The following DGKH variants were observed in gnomAD, a reference collection of about 807,000 sequenced individuals.
The protein encoded by DGKH is diacylglycerol kinase eta.
A neutral mutation model predicts 159.3 loss-of-function variants in DGKH; 90 were observed. That is an observed-to-expected ratio of 0.57 (90% CI 0.48 to 0.67). The LOEUF (loss-of-function observed/expected upper bound fraction) is 0.67. Ranked by LOEUF, DGKH falls within the 30% of genes least tolerant of loss-of-function variation. The pLI is 0.00. For missense variants in DGKH, 1,181 were observed against 1,506.1 expected, an observed-to-expected ratio of 0.78 and a Z score of 3.57; for synonymous variants, 536 against 553.8, an observed-to-expected ratio of 0.97 and a Z score of 0.45.
At position 42,127,909 on chromosome 13, in the gene DGKH, T is replaced by A. The variant is rs573020737; in HGVS notation, c.303+336T>A. 1.6e-4 allele frequency among the ~76,000 whole-genome samples: 25 copies of A among 152,296 alleles called. No individual in the cohort carries two copies. In the South Asian group the frequency reaches 5.2e-3, roughly 32 times the overall value. On this transcript the variant is annotated intron_variant, in intron 2 of 29. Transcript: ENST00000337343. ...GGGTTTCCACCTTTTACCTTGTAAA[T>A]CTTTCCCTGACCATGAGAGAGAGAG...
At chr13:42,109,700 G>GT (rs1954825671) in intron 1 of DGKH, among the ~76,000 whole-genome samples, 1 of 151,984 alleles carries the variant, frequency 6.6e-6, no homozygotes, top group African/African-American at 2.4e-5. Context: ...GTCTGTTGCT[G>GT]TTTTTTCTAG....
At chr13:42,130,152 A>G (rs1361371504) in intron 3 of DGKH, among the ~76,000 whole-genome samples, 1 of 152,188 alleles carries the variant, frequency 6.6e-6, no homozygotes, top group Admixed American at 6.5e-5. Context: ...TTGCCTGCAA[A>G]TGGCATCCCC....
chr13:42,254,363 C>T (rs1391940447), intron 30 of DGKH, among the ~76,000 whole-genome samples: 1 of 152,130 alleles, frequency 6.6e-6, no homozygotes, highest in Non-Finnish European at 1.5e-5. Flanking sequence ...TGTGGTGGCT[C>T]ATGCCTGTAA....
chr13:42,246,533 A>G (rs1334111098), downstream of DGKH, among the ~76,000 whole-genome samples: 2 of 152,106 alleles, frequency 1.3e-5, no homozygotes, highest in African/African-American at 4.8e-5. Flanking sequence ...CAACCCCGTG[A>G]GTTTATTATT....
intron 6 of DGKH, 68 bp downstream of exon 6, chr13:42,159,440 C>A: frequency 9.0e-7 from 1 of 1,116,118 alleles, no homozygotes; most frequent in Non-Finnish European, 1.4e-6. Flanking sequence ...CTTGTGGAAG[C>A]TGAGAAAGAT....
At chr13:42,169,754 A>T (rs1224853754) in intron 11 of DGKH, among the ~76,000 whole-genome samples, 2 of 152,230 alleles carry the variant, frequency 1.3e-5, no homozygotes, top group Admixed American at 6.5e-5. Context: ...TTGCTGACAG[A>T]ATATTTAAAA....
rs1958234575 is a variant in DGKH, at chr13:42,229,495, A to G, written c.*307A>G. The G allele has an allele frequency of 4.1e-6, 1 of 244,610 alleles. No individual in the cohort carries two copies. The highest frequency in any genetic ancestry group is 2.3e-5 in the African/African-American group (1 of 43,112). The allele number at this position is 244,610 out of a possible 1,614,324, so 15.2% of individuals were successfully genotyped here. On this transcript the variant is annotated 3_prime_UTR_variant, in exon 30 of 30. Transcript: ENST00000337343. The stretch of plus-strand genomic sequence containing the variant: ...CATTGTCTAAACAGTGGAATTGCAA[A>G]ATGTTTACTTTCCATAGATCTGGTC...
At chr13:42,058,198 CACTT>C (rs771980643) in intron 1 of DGKH, among the ~76,000 whole-genome samples, 2 of 152,144 alleles carry the variant, frequency 1.3e-5, no homozygotes, top group Non-Finnish European at 2.9e-5. Flanking sequence ...AGTAAGTCCT[CACTT>C]AACATCGTTG....
rs750760355 is a variant in DGKH at position 42,214,533 on chromosome 13, G to C, written c.3041G>C (p.Cys1014Ser). 2.5e-6 allele frequency: 4 copies of C among 1,613,214 alleles called. No homozygotes were observed. Among genetic ancestry groups the C allele is most frequent in the Non-Finnish European group, 3.4e-6 (4 of 1,179,578 alleles). The stretch of plus-strand genomic sequence containing the variant: ...ATATGTGACGCAGCCACAATTCACT[G>C]TCTTTTGGAGCAAGAACTGGCCCAT... ...TRICDAATIHCLLEQELAHAV... is the reference protein window; with the variant it reads ...TRICDAATIHSLLEQELAHAV... Residue 1014 changes from cysteine to serine, a missense_variant, in exon 25 of 30, where the codon TGT (cysteine) becomes TCT (serine). By Grantham distance (112) the Cys-to-Ser change is moderately radical (BLOSUM62 -1). Around this residue, in one of 5 missense-constraint regions of DGKH, gnomAD observed 335 missense variants for 495.2 expected, o/e 0.68. Coordinates refer to ENST00000337343, the MANE Select transcript of DGKH (RefSeq NM_178009.5).
Position 42,048,821 on chromosome 13 carries a change from A to G in DGKH, c.48A>G (p.Gly16=). 7.5e-7 allele frequency: 1 copy of G among 1,332,168 alleles called. No homozygotes were observed. The highest frequency in any genetic ancestry group is 9.6e-7 in the Non-Finnish European group (1 of 1,038,464). 82.5% of individuals were successfully genotyped at this position (1,332,168 alleles called of 1,614,324 possible). A position where few individuals can be genotyped will look rare whatever the true frequency, so the allele number is the denominator to read the frequency against. The change falls in exon 1 of 30, where the codon GGA becomes GGG. Residue 16 remains glycine, a synonymous_variant. Transcript: ENST00000337343. The surrounding 1 kb of genome is among the most constrained non-coding windows in gnomAD (Gnocchi z 6.7). ...ACCACCCTCCGGGCGCCGCTGGAGG[A>G]GCGGCCGCCGGAGCCGGCGCCGCGG... ...GQHHPPGAAG[G]AAAGAGAAVT...
At chr13:42,040,814 C>T (rs1880447752) in intron 1 of DGKH, among the ~76,000 whole-genome samples, 1 of 145,818 alleles carries the variant, frequency 6.9e-6, no homozygotes, top group African/African-American at 2.5e-5. Context: ...TCCAGGAGCC[C>T]CGGCGCAGCG....
At chr13:42,092,458 C>A (rs1013354998) in intron 1 of DGKH, among the ~76,000 whole-genome samples, 1 of 152,084 alleles carries the variant, frequency 6.6e-6, no homozygotes, top group Non-Finnish European at 1.5e-5. Context: ...ATGGATGGAA[C>A]TGGAGGTCAT....
chr13:42,132,634 G>GCTCACACCTGTAAT (rs1475511724), intron 3 of DGKH, among the ~76,000 whole-genome samples: 1 of 152,162 alleles, frequency 6.6e-6, no homozygotes. Context: ...AGGCACAGTG[G>GCTCACACCTGTAAT]CTCACACCTG....
chr13:42,205,877 TA>T (rs139699266), intron 20 of DGKH, among the ~76,000 whole-genome samples, 161 bp from the exon 21 acceptor site: 5,605 of 152,070 alleles, frequency 0.037, 132 homozygotes, highest in East Asian at 0.1. Context: ...TTTTTTTAAT[TA>T]AAAAAAATAA....
chr13:42,175,625 A>G (rs1566159926), intron 12 of DGKH, among the ~76,000 whole-genome samples: 1 of 152,220 alleles, frequency 6.6e-6, no homozygotes. Context: ...ATGAGGTACA[A>G]TTCTAAAGAT....
At chr13:42,161,790 A>G (rs549202978) in intron 7 of DGKH, among the ~76,000 whole-genome samples, 2 of 152,114 alleles carry the variant, frequency 1.3e-5, no homozygotes, top group African/African-American at 4.8e-5. Context: ...TCAAAAAAAA[A>G]AAAAGAAAAG....
intron 1 of DGKH, among the ~76,000 whole-genome samples, chr13:42,064,512 A>G (rs371120408): frequency 1.3e-5 from 2 of 152,240 alleles, no homozygotes; most frequent in Admixed American, 6.5e-5. Context: ...GGATACAGTA[A>G]CAAGCTCTGG....
intron 22 of DGKH, 96 bp from the exon 23 acceptor site, chr13:42,209,235 T>C: frequency 6.7e-7 from 1 of 1,484,620 alleles, no homozygotes; most frequent in Non-Finnish European, 9.1e-7. Context: ...CATAATAGTC[T>C]ATTCTGTAGA....
intron 7 of DGKH, among the ~76,000 whole-genome samples, chr13:42,161,128 T>G (rs1956169817): frequency 6.6e-6 from 1 of 152,208 alleles, no homozygotes; most frequent in South Asian, 2.1e-4. Context: ...GTGTCTCTCT[T>G]TACAATCTTA....
Sources: gnomAD v4.1 joint callset for allele counts (sites outside exome capture counted in the v4.1 genomes callset) on GRCh38, gnomAD v4.1.1 for gene constraint, gnomAD v4.1.1 regional missense constraint, Gnocchi (gnomAD v3.1) non-coding constraint, MANE v1.5 for transcripts, NCBI Gene and HGNC (gene_info 2026-07-23, HGNC 2026-07-21) for gene names.